Variants in DSCAM observed in about 807,000 individuals in gnomAD.
DSCAM encodes the protein cell adhesion molecule DSCAM.
In DSCAM, 47 loss-of-function variants were observed where a neutral mutation model predicts 217.7. The ratio of observed to expected loss-of-function variants is 0.22; its 90% CI spans 0.17 to 0.28. The LOEUF is 0.28. DSCAM is among the 10% of genes least tolerant of loss of function. DSCAM has a pLI of 1.00. For synonymous variants in DSCAM, 1,056 were observed against 1,015.3 expected, an observed-to-expected ratio of 1.04 and a Z score of -0.76; for missense variants, 2,080 against 2,618.3, an observed-to-expected ratio of 0.79 and a Z score of 4.49.
chr21:40,415,604 G>A (rs1362448121), intron 3 of DSCAM, among the ~76,000 whole-genome samples: 1 of 152,212 alleles, frequency 6.6e-6, no homozygotes, highest in Non-Finnish European at 1.5e-5. Flanking sequence ...AACTGGCCTA[G>A]GCCTGGACAG....
intron 5 of DSCAM, among the ~76,000 whole-genome samples, chr21:40,349,873 C>T (rs2074609910): frequency 6.6e-6 from 1 of 152,080 alleles, no homozygotes; most frequent in South Asian, 2.1e-4. Flanking sequence ...AAGCAGACAG[C>T]AAAAATGGCA....
rs181367688 is a variant in DSCAM at position 40,410,331 on chromosome 21, A to C, written c.509-41086T>G. Reference sequence around the variant, plus strand: ...GAAATACGGATAGAAAAAGAACCAGATAAAAATGAACAAAGCATCAATGAC... The same window carrying C: ...GAAATACGGATAGAAAAAGAACCAGCTAAAAATGAACAAAGCATCAATGAC... On this transcript the variant is annotated intron_variant, in intron 3 of 32. Coordinates refer to ENST00000400454, the MANE Select transcript of DSCAM (RefSeq NM_001389.5). Among the ~76,000 whole-genome samples, 921 of 152,256 alleles carry C rather than the reference A, an allele frequency of 6.0e-3. 6 individuals are homozygous for C. Among genetic ancestry groups the C allele is most frequent in the African/African-American group, 0.021 (875 of 41,566 alleles).
intron 3 of DSCAM, among the ~76,000 whole-genome samples, chr21:40,690,995 C>G (rs998130158): frequency 6.6e-6 from 1 of 152,158 alleles, no homozygotes; most frequent in Admixed American, 6.5e-5. Context: ...AGGCTTAACA[C>G]CTGGGTGATG....
intron 10 of DSCAM, among the ~76,000 whole-genome samples, chr21:40,286,285 A>C (rs2073822808): frequency 1.3e-5 from 2 of 152,206 alleles, no homozygotes; most frequent in African/African-American, 4.8e-5. Context: ...TGCAAAAGAG[A>C]CACTTGTCTG....
chr21:40,124,298 G>C lies in DSCAM; in HGVS notation c.3593C>G (p.Ala1198Gly). 6.2e-7 allele frequency: 1 copy of C among 1,613,910 alleles called. No individual in the cohort carries two copies. The highest frequency in any genetic ancestry group is 8.5e-7 in the Non-Finnish European group (1 of 1,180,000). The stretch of plus-strand genomic sequence containing the variant: ...AAAGACCATGGAGGCTGAGGCCGCC[G>C]CTGCCTTCACACCCGCGGGAGGACC... ...VPGPPAGVKA[A>G]AASASMVFVS... The change falls in exon 20 of 33, where the codon GCG becomes GGG. Residue 1198 changes from alanine to glycine, a missense_variant. Ala to Gly is a moderately conservative substitution (Grantham distance 60). This residue lies in a region of DSCAM where 1,144 missense variants were observed against 1,421.1 expected (regional missense o/e 0.81). Coordinates refer to ENST00000400454, the MANE Select transcript of DSCAM (RefSeq NM_001389.5).
At chr21:40,204,816 T>G (rs1645247198) in intron 11 of DSCAM, among the ~76,000 whole-genome samples, 1 of 152,238 alleles carries the variant, frequency 6.6e-6, no homozygotes, top group Admixed American at 6.5e-5. Context: ...CAAGCAAGTG[T>G]GTCTGCACAT....
intron 10 of DSCAM, among the ~76,000 whole-genome samples, chr21:40,293,233 A>G (rs1207242023): frequency 5.9e-5 from 9 of 152,264 alleles, no homozygotes; most frequent in African/African-American, 1.9e-4. Flanking sequence ...GATGCTGGCA[A>G]AATTGATCTG....
intron 11 of DSCAM, among the ~76,000 whole-genome samples, chr21:40,198,513 C>T (rs1701876781): frequency 6.6e-6 from 1 of 152,168 alleles, no homozygotes; most frequent in South Asian, 2.1e-4. Flanking sequence ...CCTTCAGTGA[C>T]CTGGAGACCC....
At chr21:40,329,326 CA>C (rs912798884) in intron 8 of DSCAM, among the ~76,000 whole-genome samples, 1 of 151,490 alleles carries the variant, frequency 6.6e-6, no homozygotes, top group East Asian at 2.0e-4. Flanking sequence ...CAATGGTTGC[CA>C]AAAAAAGGGA....
At position 40,413,935 on chromosome 21, in the gene DSCAM, T is replaced by A. The variant is rs1475498100; in HGVS notation, c.509-44690A>T. Among the ~76,000 whole-genome samples the A allele has an allele frequency of 2.6e-5, 4 of 152,258 alleles. No homozygotes were observed. The South Asian group carries it at 8.3e-4, about 32-fold the overall frequency. On this transcript the variant is annotated intron_variant, in intron 3 of 32. Transcript: ENST00000400454. ...AACTAAGAAATCTGTATGGCCAAAA[T>A]GGACCTCAATTATTGCTTCAAACCA... is the stretch of plus-strand genomic sequence containing the variant.
chr21:40,401,757 G>A (rs2075235758), intron 3 of DSCAM, among the ~76,000 whole-genome samples: 1 of 150,052 alleles, frequency 6.7e-6, no homozygotes, highest in East Asian at 1.9e-4. Context: ...TCCCACCAGG[G>A]TCAAGAGAAC....
intron 30 of DSCAM, among the ~76,000 whole-genome samples, chr21:40,049,755 C>T (rs1008332608): frequency 2.1e-4 from 32 of 152,170 alleles, no homozygotes; most frequent in African/African-American, 7.2e-4. Context: ...CATGTGCGTC[C>T]TGCCTGGCAC....
chr21:40,576,435 T>A (rs2076851028), intron 3 of DSCAM, among the ~76,000 whole-genome samples: 2 of 152,178 alleles, frequency 1.3e-5, no homozygotes. Context: ...AGCAAGGGAA[T>A]CTTCTTTGGG....
intron 3 of DSCAM, among the ~76,000 whole-genome samples, chr21:40,666,674 C>A (rs185813831): frequency 6.6e-6 from 1 of 152,176 alleles, no homozygotes; most frequent in Non-Finnish European, 1.5e-5. Flanking sequence ...AATATTTAGG[C>A]CCTCAGCACT....
chr21:40,734,176 G>A (rs1327775335), intron 1 of DSCAM, among the ~76,000 whole-genome samples: 5 of 152,100 alleles, frequency 3.3e-5, no homozygotes, highest in African/African-American at 9.7e-5. Flanking sequence ...CCCAAGAAAC[G>A]CTAAATGTTG....
intron 3 of DSCAM, among the ~76,000 whole-genome samples, chr21:40,574,596 T>G (rs1156463863): frequency 6.6e-6 from 1 of 152,218 alleles, no homozygotes; most frequent in Non-Finnish European, 1.5e-5. Context: ...TTTAGTCACT[T>G]CTAATCAATA....
chr21:40,429,566 C>T (rs953507228), intron 3 of DSCAM, among the ~76,000 whole-genome samples: 1 of 152,224 alleles, frequency 6.6e-6, no homozygotes, highest in Non-Finnish European at 1.5e-5. Flanking sequence ...CCAAGCCCAG[C>T]CTGCATCAAG....
intron 9 of DSCAM, among the ~76,000 whole-genome samples, chr21:40,301,693 G>A (rs1012976820): frequency 1.6e-5 from 2 of 124,594 alleles, no homozygotes; most frequent in Non-Finnish European, 3.1e-5. Flanking sequence ...TTTCTCACAG[G>A]CCATGGCATG....
At chr21:40,147,822 G>A (rs1234857515) in intron 16 of DSCAM, among the ~76,000 whole-genome samples, 2 of 151,930 alleles carry the variant, frequency 1.3e-5, no homozygotes, top group Non-Finnish European at 2.9e-5. Context: ...TCATATTGAT[G>A]TTTTATTTTA....
Sources: allele counts gnomAD v4.1 joint callset (sites outside exome capture counted in the v4.1 genomes callset), GRCh38; gene constraint gnomAD v4.1.1; regional missense constraint gnomAD v4.1.1; transcripts MANE v1.5; gene names NCBI Gene and HGNC (gene_info 2026-07-23, HGNC 2026-07-21).